The following MACROD2 variants were observed in gnomAD, a reference collection of about 807,000 sequenced individuals.
MACROD2 encodes mono-ADP ribosylhydrolase 2.
In MACROD2, 36 loss-of-function variants were observed where a neutral mutation model predicts 70.4. The ratio of observed to expected loss-of-function variants is 0.51; its 90% CI spans 0.39 to 0.68. MACROD2 has a LOEUF of 0.68. Among genes scored for constraint, MACROD2 ranks in the 30% least tolerant of loss-of-function variants. The probability of loss-of-function intolerance (pLI) is 0.00; values close to 1 mark genes in which losing one functional copy is unlikely to be tolerated. For synonymous variants in MACROD2, 172 were observed against 178.8 expected, an observed-to-expected ratio of 0.96 and a Z score of 0.30; for missense variants, 496 against 538.4, an observed-to-expected ratio of 0.92 and a Z score of 0.78.
intron 3 of MACROD2, among the ~76,000 whole-genome samples, chr20:14,416,105 C>T (rs1047264918): frequency 6.6e-5 from 10 of 151,900 alleles, no homozygotes; most frequent in Non-Finnish European, 1.5e-4. Flanking sequence ...ATTACAGGCA[C>T]ACACCACCAC....
In MACROD2 at chr20:14,070,356, A is replaced by G. The variant is rs553425182; in HGVS notation, c.164-15265A>G. ...GTGTGTGTGTGTGTAATCTAGAACAATGATCAGATAGGAGATGGAGGTGTG... is the reference window on the plus strand; with the variant it reads ...GTGTGTGTGTGTGTAATCTAGAACAGTGATCAGATAGGAGATGGAGGTGTG... On this transcript the variant is annotated intron_variant, in intron 2 of 17. Coordinates refer to ENST00000684519, the MANE Select transcript of MACROD2 (RefSeq NM_001351661.2). Among the ~76,000 whole-genome samples, 47 of 151,992 alleles carry G rather than the reference A, an allele frequency of 3.1e-4. 1 individual carries two copies. Among genetic ancestry groups the G allele is most frequent in the Admixed American group, 2.2e-3 (33 of 15,246 alleles).
At chr20:15,866,251 GA>G (rs1255823893) in intron 9 of MACROD2, among the ~76,000 whole-genome samples, 1 of 152,032 alleles carries the variant, frequency 6.6e-6, no homozygotes, top group Non-Finnish European at 1.5e-5. Context: ...AATTAGCTGA[GA>G]GTGGTGGTGC....
At chr20:15,695,399 T>TTTC (rs199713296) in intron 8 of MACROD2, among the ~76,000 whole-genome samples, 1 of 146,844 alleles carries the variant, frequency 6.8e-6, no homozygotes, top group Admixed American at 6.9e-5. Flanking sequence ...TCTTTCTTTT[T>TTTC]TTCTTCTTCT....
At chr20:14,845,746 T>G (rs2073133097) in intron 5 of MACROD2, among the ~76,000 whole-genome samples, 1 of 151,934 alleles carries the variant, frequency 6.6e-6, no homozygotes, top group South Asian at 2.1e-4. Flanking sequence ...GCCCCATACC[T>G]TCCCCAAGCA....
intron 3 of MACROD2, among the ~76,000 whole-genome samples, chr20:14,445,076 C>T (rs1423582058): frequency 6.6e-6 from 1 of 152,024 alleles, no homozygotes; most frequent in Non-Finnish European, 1.5e-5. Flanking sequence ...TAGATTATGT[C>T]ATTTTTCTGC....
chr20:15,598,779 C>T (rs978118103), intron 8 of MACROD2, among the ~76,000 whole-genome samples: 1 of 152,234 alleles, frequency 6.6e-6, no homozygotes, highest in South Asian at 2.1e-4. Context: ...TCCAGATCAA[C>T]CTTGCCATCC....
At chr20:14,984,526 T>C (rs538386686) in intron 5 of MACROD2, among the ~76,000 whole-genome samples, 50 of 152,294 alleles carry the variant, frequency 3.3e-4, no homozygotes, top group African/African-American at 1.1e-3. Context: ...GCTACTTTAG[T>C]TTAATGAGAA....
intron 8 of MACROD2, among the ~76,000 whole-genome samples, chr20:15,658,216 T>C (rs1178982304): frequency 7.1e-6 from 1 of 141,204 alleles, no homozygotes; most frequent in Non-Finnish European, 1.5e-5. Flanking sequence ...TTTTCTTTTC[T>C]CTCTCTCTCT....
chr20:14,250,204 A>G (rs751480792), intron 3 of MACROD2, among the ~76,000 whole-genome samples: 2 of 151,860 alleles, frequency 1.3e-5, no homozygotes, highest in Non-Finnish European at 2.9e-5. Flanking sequence ...TCTGGGCTGT[A>G]TGTGGGCGCA....
chr20:14,947,108 G>A (rs1393960267), intron 5 of MACROD2, among the ~76,000 whole-genome samples: 1 of 152,158 alleles, frequency 6.6e-6, no homozygotes, highest in Admixed American at 6.5e-5. Context: ...GCTTCTCTGA[G>A]AATACGGCAT....
intron 8 of MACROD2, among the ~76,000 whole-genome samples, chr20:15,513,308 G>A (rs182708004): frequency 1.4e-3 from 218 of 152,318 alleles, no homozygotes; most frequent in African/African-American, 4.9e-3. Flanking sequence ...GTACAGCTGG[G>A]TAATGGTTTT....
intron 2 of MACROD2, among the ~76,000 whole-genome samples, chr20:14,083,063 T>C (rs765742250): frequency 8.6e-5 from 13 of 151,548 alleles, no homozygotes; most frequent in African/African-American, 2.9e-4. Context: ...AAAAGTATCT[T>C]AGTATTGTGG....
chr20:14,430,891 G>A (rs538073992), intron 3 of MACROD2, among the ~76,000 whole-genome samples: 10 of 152,136 alleles, frequency 6.6e-5, no homozygotes, highest in Non-Finnish European at 1.3e-4. Context: ...CCAAAACACG[G>A]AAGTCCAGCC....
intron 6 of MACROD2, among the ~76,000 whole-genome samples, chr20:15,333,495 AAG>A (rs995650921): frequency 2.0e-5 from 3 of 151,570 alleles, no homozygotes; most frequent in African/African-American, 7.3e-5. Context: ...AAATTTTCTC[AAG>A]AGCTTGGAGA....
chr20:14,545,442 A>G (rs2085481662), intron 4 of MACROD2, among the ~76,000 whole-genome samples: 5 of 152,192 alleles, frequency 3.3e-5, no homozygotes. Context: ...CCCAAAGGTC[A>G]TGAGCAGAAG....
chr20:14,019,395 C>G (rs938738275), intron 2 of MACROD2, among the ~76,000 whole-genome samples: 5 of 152,142 alleles, frequency 3.3e-5, no homozygotes, highest in Non-Finnish European at 5.9e-5. Flanking sequence ...TCTCAGCCTT[C>G]TGAGGAGCTG....
At chr20:15,136,097 G>A (rs1410737790) in intron 5 of MACROD2, among the ~76,000 whole-genome samples, 1 of 145,860 alleles carries the variant, frequency 6.9e-6, no homozygotes, top group Non-Finnish European at 1.5e-5. Context: ...CCATGCTCAT[G>A]GATAGGAAGA....
At chr20:15,589,026 T>G (rs1332869407) in intron 8 of MACROD2, among the ~76,000 whole-genome samples, 1 of 152,208 alleles carries the variant, frequency 6.6e-6, no homozygotes, top group East Asian at 1.9e-4. Context: ...TACCTGAGAC[T>G]GGGAAGAAAA....
chr20:15,148,538 G>T (rs1263632127), intron 5 of MACROD2, among the ~76,000 whole-genome samples: 1 of 152,030 alleles, frequency 6.6e-6, no homozygotes, highest in Non-Finnish European at 1.5e-5. Context: ...AACTGGCACT[G>T]TAAACAAGAG....
Sources: gnomAD v4.1 joint callset for allele counts (sites outside exome capture counted in the v4.1 genomes callset) on GRCh38, gnomAD v4.1.1 for gene constraint, MANE v1.5 for transcripts, NCBI Gene and HGNC (gene_info 2026-07-23, HGNC 2026-07-21) for gene names.